The following KIF2A variants were observed in gnomAD, a reference collection of about 807,000 sequenced individuals.
KIF2A encodes the protein kinesin family member 2A.
Under a neutral mutation model 100.2 loss-of-function variants are expected in KIF2A, and 22 were observed. The ratio of observed to expected loss-of-function variants is 0.22; its 90% CI spans 0.16 to 0.31. The LOEUF (loss-of-function observed/expected upper bound fraction) is 0.31, where lower values mean the gene tolerates loss of function less well. Ranked by LOEUF, KIF2A falls within the 10% of genes least tolerant of loss-of-function variation. The pLI, the probability that KIF2A is intolerant of heterozygous loss-of-function variation, is 1.00. For synonymous variants in KIF2A, 268 were observed against 285.9 expected (o/e 0.94, Z 0.63); for missense variants, 495 against 898.7 (o/e 0.55, Z 5.74).
At chr5:62,331,867 T>G (rs1202375866) in intron 1 of KIF2A, among the ~76,000 whole-genome samples, 1 of 152,202 alleles carries the variant, frequency 6.6e-6, no homozygotes, top group African/African-American at 2.4e-5. Context: ...TGTTGCTTTT[T>G]TGTATTTTTC....
chr5:62,335,513 C>T (rs1746894476), intron 1 of KIF2A, among the ~76,000 whole-genome samples: 1 of 152,140 alleles, frequency 6.6e-6, no homozygotes, highest in South Asian at 2.1e-4. Context: ...GAATTCTGTA[C>T]AGGGGTGGGC....
rs114127613 is a variant in KIF2A, at chr5:62,335,935, T to C, written c.65-11195T>C. Among the ~76,000 whole-genome samples the C allele has an allele frequency of 4.9e-3, 741 of 152,334 alleles. 7 individuals carry two copies. Among genetic ancestry groups the C allele is most frequent in the African/African-American group, 0.017 (695 of 41,568 alleles). ...ATAAGTTATCTTTTATATGGTAGTA[T>C]TGATTTTATATAACAATGTAAACTT... On this transcript the variant is annotated intron_variant, in intron 1 of 20. Transcript: ENST00000407818.
At chr5:62,332,880 A>G (rs538581664) in intron 1 of KIF2A, among the ~76,000 whole-genome samples, 1 of 152,288 alleles carries the variant, frequency 6.6e-6, no homozygotes, top group East Asian at 1.9e-4. Flanking sequence ...TCTCTTCAAC[A>G]TTTTCTTAAA....
chr5:62,353,067 A>G, intron 5 of KIF2A: 1 of 448,568 alleles, frequency 2.2e-6, no homozygotes, highest in Non-Finnish European at 4.0e-6. Context: ...AATATGTTTG[A>G]GTCATTTTTC....
intron 1 of KIF2A, among the ~76,000 whole-genome samples, chr5:62,343,252 T>C (rs1174005729): frequency 2.0e-5 from 3 of 152,152 alleles, no homozygotes; most frequent in Non-Finnish European, 4.4e-5. Context: ...CCCTTTTGAC[T>C]CCTCCCAGTA....
rs750351717 is a variant in KIF2A at position 62,373,753 on chromosome 5, A to G, written c.1827A>G (p.Pro609=). 3.7e-6 allele frequency: 6 copies of G among 1,613,582 alleles called. No homozygotes were observed. In the East Asian group the frequency reaches 1.3e-4, roughly 36 times the overall value. ...TTCGTCCAATAATGCACCATCCACC[A>G]AACCAGATTGATGACTTAGAGACAC... ...GDVRPIMHHP[P]NQIDDLETQW... is the part of the protein sequence containing the mutation. The change falls in exon 18 of 21, where the codon CCA becomes CCG. Residue 609 remains proline, a synonymous_variant. Transcript: ENST00000407818.
At chr5:62,330,217 G>A (rs1746564963) in intron 1 of KIF2A, among the ~76,000 whole-genome samples, 2 of 152,006 alleles carry the variant, frequency 1.3e-5, no homozygotes, top group Admixed American at 1.3e-4. Context: ...CAGGTGTGGT[G>A]GCAGGCACCT....
Position 62,357,750 on chromosome 5 carries a change from G to T in KIF2A, c.709+5G>T. The T allele has an allele frequency of 1.4e-6, 2 of 1,480,362 alleles. No homozygotes were observed. Among genetic ancestry groups the T allele is most frequent in the South Asian group, 2.3e-5 (2 of 86,200 alleles). The allele number at this position is 1,480,362 out of a possible 1,614,324, so 91.7% of individuals were successfully genotyped here. On this transcript the variant is annotated splice_donor_5th_base_variant and intron_variant, in intron 8 of 20. Coordinates refer to ENST00000407818, the MANE Select transcript of KIF2A (RefSeq NM_001098511.3). ...AACGACCACTCAATAAAAAAGGTAT[G>T]GCACTTAATGAGCTCTAATAAAAGA...
At chr5:62,366,722 T>C (rs922559077) in intron 16 of KIF2A, among the ~76,000 whole-genome samples, 1 of 151,648 alleles carries the variant, frequency 6.6e-6, no homozygotes, top group African/African-American at 2.4e-5. Flanking sequence ...TCCCAGCTAC[T>C]CGGGAAGCTG....
chr5:62,327,364 T>C (rs1746429215), intron 1 of KIF2A, among the ~76,000 whole-genome samples: 1 of 152,236 alleles, frequency 6.6e-6, no homozygotes, highest in Non-Finnish European at 1.5e-5. Context: ...CATCTGTTTA[T>C]GGGTTGTAGC....
At chr5:62,307,628 C>CTT (rs34564670) in intron 1 of KIF2A, among the ~76,000 whole-genome samples, 3 of 140,428 alleles carry the variant, frequency 2.1e-5, no homozygotes, top group East Asian at 2.1e-4. Flanking sequence ...ATACCGATTC[C>CTT]TTTTTTTTTT....
intron 18 of KIF2A, among the ~76,000 whole-genome samples, chr5:62,375,472 C>G (rs896642702): frequency 6.6e-6 from 1 of 152,084 alleles, no homozygotes; most frequent in Non-Finnish European, 1.5e-5. Context: ...ATAATTTGAC[C>G]AAGATTTTAC....
intron 1 of KIF2A, among the ~76,000 whole-genome samples, chr5:62,326,509 C>T (rs1053245539): frequency 1.3e-5 from 2 of 152,040 alleles, no homozygotes; most frequent in African/African-American, 4.8e-5. Context: ...TGCCTTCCTT[C>T]CTTTGCTGTG....
At chr5:62,354,007 A>AT (rs763383952) in intron 6 of KIF2A, among the ~76,000 whole-genome samples, 6 of 152,004 alleles carry the variant, frequency 3.9e-5, no homozygotes, top group Non-Finnish European at 7.4e-5. Flanking sequence ...CATCTATTAC[A>AT]TTTTCAGAAC....
intron 16 of KIF2A, among the ~76,000 whole-genome samples, chr5:62,370,762 T>C (rs540491402): frequency 1.6e-4 from 24 of 152,268 alleles, no homozygotes; most frequent in Non-Finnish European, 3.2e-4. Flanking sequence ...GTTAGAGTGA[T>C]TGGGTCTTGG....
chr5:62,325,157 CT>C (rs1161353695), intron 1 of KIF2A, among the ~76,000 whole-genome samples: 3 of 151,982 alleles, frequency 2.0e-5, no homozygotes, highest in Non-Finnish European at 2.9e-5. Context: ...CAGAGTCTCG[CT>C]CTGTCACCCA....
intron 5 of KIF2A, 169 bp downstream of exon 5, chr5:62,352,879 G>A: frequency 1.9e-6 from 1 of 519,212 alleles, no homozygotes; most frequent in Non-Finnish European, 3.2e-6. Context: ...TGTTAATTGG[G>A]TTTTTTAAAG....
intron 1 of KIF2A, among the ~76,000 whole-genome samples, chr5:62,323,046 C>T (rs1055692468): frequency 4.6e-5 from 7 of 150,998 alleles, no homozygotes; most frequent in South Asian, 2.1e-4. Context: ...CACATGAGGT[C>T]GGGAGTTCAA....
chr5:62,334,753 T>A (rs1746847573), intron 1 of KIF2A, among the ~76,000 whole-genome samples: 1 of 152,060 alleles, frequency 6.6e-6, no homozygotes, highest in Non-Finnish European at 1.5e-5. Context: ...TCGTTCAGGG[T>A]GTCCCCCTGG....
Sources: gnomAD v4.1 joint callset for allele counts (sites outside exome capture counted in the v4.1 genomes callset) on GRCh38, gnomAD v4.1.1 for gene constraint, MANE v1.5 for transcripts, NCBI Gene and HGNC (gene_info 2026-07-23, HGNC 2026-07-21) for gene names.